The following AMMECR1 variants were observed in gnomAD, a reference collection of about 807,000 sequenced individuals.
The protein encoded by AMMECR1 is AMMECR nuclear protein 1.
AMMECR1 carries 3 observed loss-of-function variants against 22.5 expected under a neutral mutation model. That is an observed-to-expected ratio of 0.13 (90% CI 0.06 to 0.35). AMMECR1 has a LOEUF of 0.35. AMMECR1 is among the 10% of genes least tolerant of loss of function. The probability of loss-of-function intolerance (pLI) is 1.00; values close to 1 mark genes in which losing one functional copy is unlikely to be tolerated. For synonymous variants in AMMECR1, 130 were observed against 116.7 expected, an observed-to-expected ratio of 1.11 and a Z score of -0.74; for missense variants, 235 against 278.7, an observed-to-expected ratio of 0.84 and a Z score of 1.12.
At chrX:110,314,188 C>G (rs899199303) in intron 1 of AMMECR1, among the ~76,000 whole-genome samples, 1 of 111,930 alleles carries the variant, frequency 8.9e-6, no homozygotes, top group African/African-American at 3.2e-5. Flanking sequence ...GACTCTAATT[C>G]AGCAGGTCTG....
At chrX:110,339,401 TAAAAAAAAAAAAA>T (rs10664998) in intron 2 of AMMECR1, among the ~76,000 whole-genome samples, 2 of 48,958 alleles carry the variant, frequency 4.1e-5, no homozygotes, top group Non-Finnish European at 7.9e-5. Context: ...TGGTTTGTTG[TAAAAAAAAAAAAA>T]AAAAAAAAAA....
chrX:110,290,936 G>C (rs1280687044), intron 1 of AMMECR1, among the ~76,000 whole-genome samples: 1 of 111,829 alleles, frequency 8.9e-6, no homozygotes, highest in Non-Finnish European at 1.9e-5. Flanking sequence ...TCTCCTATGA[G>C]TGTGGAGTGT....
At chrX:110,299,928 T>C (rs1029667980) in intron 1 of AMMECR1, among the ~76,000 whole-genome samples, 25 of 112,417 alleles carry the variant, frequency 2.2e-4, no homozygotes, top group African/African-American at 7.1e-4. Flanking sequence ...TTATCCACTT[T>C]CTGTCAATGG....
intron 2 of AMMECR1, among the ~76,000 whole-genome samples, chrX:110,385,191 C>T (rs1212780520): frequency 9.0e-6 from 1 of 111,392 alleles, no homozygotes; most frequent in Admixed American, 9.6e-5. Flanking sequence ...ATTTCTCCAT[C>T]TATCAAATAG....
intron 1 of AMMECR1, among the ~76,000 whole-genome samples, chrX:110,301,484 G>C (rs1340945688): frequency 8.9e-6 from 1 of 112,210 alleles, no homozygotes; most frequent in Non-Finnish European, 1.9e-5. Flanking sequence ...ATCAAATAAA[G>C]ACAAGCCTGG....
intron 2 of AMMECR1, among the ~76,000 whole-genome samples, chrX:110,235,792 A>G (rs990559781): frequency 9.0e-6 from 1 of 111,331 alleles, no homozygotes; most frequent in Non-Finnish European, 1.9e-5. Context: ...GGTGCGGGAC[A>G]TCACACACCA....
intron 2 of AMMECR1, among the ~76,000 whole-genome samples, chrX:110,412,720 C>A (rs939068949): frequency 5.3e-5 from 6 of 112,235 alleles, no homozygotes; most frequent in African/African-American, 1.9e-4. Context: ...CAAGCTAGAT[C>A]TTTAAATACT....
intron 2 of AMMECR1, among the ~76,000 whole-genome samples, chrX:110,326,109 C>T (rs2068096639): frequency 9.0e-6 from 1 of 111,210 alleles, no homozygotes; most frequent in South Asian, 3.8e-4. Context: ...CCTGCCTCAG[C>T]CTCCTGAGTA....
chrX:110,215,952 T>C (rs1463685291), intron 3 of AMMECR1, among the ~76,000 whole-genome samples: 1 of 112,127 alleles, frequency 8.9e-6, no homozygotes, highest in Non-Finnish European at 1.9e-5. Flanking sequence ...TAAGCTACTC[T>C]AACAATAGCA....
intron 1 of AMMECR1, among the ~76,000 whole-genome samples, chrX:110,429,473 TG>T (rs1311443034): frequency 0.016 from 1,270 of 81,300 alleles, 36 homozygotes; most frequent in African/African-American, 0.1. Flanking sequence ...TTTTTTTTTT[TG>T]TTTTGTTTTT....
intron 3 of AMMECR1, among the ~76,000 whole-genome samples, chrX:110,208,347 C>T (rs1228108349): frequency 8.9e-6 from 1 of 112,368 alleles, no homozygotes; most frequent in Non-Finnish European, 1.9e-5. Context: ...TGAAGTTTTT[C>T]TTTTTTTCTC....
chrX:110,258,190 T>C (rs1051125311), intron 2 of AMMECR1, among the ~76,000 whole-genome samples: 1 of 112,216 alleles, frequency 8.9e-6, no homozygotes, highest in Non-Finnish European at 1.9e-5. Context: ...CTCACTACAC[T>C]TAATTTCTGT....
At chrX:110,219,443 AT>A in intron 2 of AMMECR1, 2 of 752,841 alleles carry the variant, frequency 2.7e-6, no homozygotes, top group Non-Finnish European at 3.1e-6. Context: ...GAGGCAAGTT[AT>A]TTTGTTTAGT....
At chrX:110,302,987 T>C (rs1225601609) in intron 1 of AMMECR1, among the ~76,000 whole-genome samples, 1 of 111,781 alleles carries the variant, frequency 8.9e-6, no homozygotes, top group African/African-American at 3.3e-5. Flanking sequence ...GTAAAAAGTG[T>C]TTAAATATAA....
chrX:110,317,046 TC>T (rs1326631569), intron 1 of AMMECR1, among the ~76,000 whole-genome samples: 10 of 111,776 alleles, frequency 8.9e-5, no homozygotes, highest in African/African-American at 3.3e-4. Context: ...CCTCCCCCCT[TC>T]CCAGGGCACA....
intron 1 of AMMECR1, among the ~76,000 whole-genome samples, chrX:110,279,543 G>T (rs1433217417): frequency 8.9e-6 from 1 of 111,857 alleles, no homozygotes. Flanking sequence ...GGGAGTATCA[G>T]TTTGATTAGA....
Position 110,368,016 on chromosome X carries a change from A to G in AMMECR1, c.-147-50167T>C, listed in dbSNP as rs985540730. 1.4e-4 allele frequency among the ~76,000 whole-genome samples: 14 copies of G among 101,077 alleles called. No individual in the cohort carries two copies. In the East Asian group the frequency reaches 3.9e-3, roughly 28 times the overall value. 87.8% of individuals were successfully genotyped at this position (101,077 alleles called of 115,157 possible). On this transcript the variant is annotated intron_variant, in intron 2 of 7. Coordinates refer to the AMMECR1 transcript ENST00000372057. ...TATTATTATTATTATTATTATTATT[A>G]TTTTGTAGAAACAGATGTCTTGCTT...
intron 2 of AMMECR1, among the ~76,000 whole-genome samples, chrX:110,348,311 A>C (rs1446442706): frequency 8.9e-6 from 1 of 112,214 alleles, no homozygotes; most frequent in Non-Finnish European, 1.9e-5. Flanking sequence ...AGGAAAAATT[A>C]TTTAAAAGCT....
intron 1 of AMMECR1, among the ~76,000 whole-genome samples, chrX:110,296,193 T>C (rs974010900): frequency 8.9e-6 from 1 of 112,249 alleles, no homozygotes; most frequent in African/African-American, 3.2e-5. Flanking sequence ...GAAATATTGG[T>C]TGACAGTCTT....
Sources: gnomAD v4.1 joint callset for allele counts (sites outside exome capture counted in the v4.1 genomes callset) on GRCh38, gnomAD v4.1.1 for gene constraint, MANE v1.5 for transcripts, NCBI Gene and HGNC (gene_info 2026-07-23, HGNC 2026-07-21) for gene names.